Variants in STARD13 observed in about 807,000 individuals in gnomAD.
STARD13 encodes StAR related lipid transfer domain containing 13.
In STARD13, 62 loss-of-function variants were observed where a neutral mutation model predicts 106.4. That is an observed-to-expected ratio of 0.58 (90% CI 0.48 to 0.72). The LOEUF is 0.72. STARD13 is among the 30% of genes least tolerant of loss of function. STARD13 has a pLI of 0.00. For missense variants in STARD13, 1,387 were observed against 1,424.0 expected (o/e 0.97, Z 0.42); for synonymous variants, 565 against 553.0 (o/e 1.02, Z -0.31).
rs1010461704 is a variant in STARD13 at position 33,111,033 on chromosome 13, A to T, written c.2608-126T>A. On this transcript the variant is annotated intron_variant, in intron 10 of 13. Coordinates refer to ENST00000336934, the MANE Select transcript of STARD13 (RefSeq NM_178006.4). ...CGGGCCGAGGGCCACACGGCCAGAG[A>T]TGTTTTTCTAAGATCATTGCCAAGG... is the stretch of plus-strand genomic sequence containing the variant. 2.1e-5 allele frequency: 16 copies of T among 755,044 alleles called. No individual in the cohort carries two copies. In the East Asian group the frequency reaches 4.0e-4, roughly 19 times the overall value. The allele number at this position is 755,044 out of a possible 1,614,324, so 46.8% of individuals were successfully genotyped here.
intron 1 of STARD13, among the ~76,000 whole-genome samples, chr13:33,307,182 A>G (rs1313527073): frequency 6.6e-6 from 1 of 152,218 alleles, no homozygotes; most frequent in Admixed American, 6.5e-5. Flanking sequence ...TTGCAGAAAA[A>G]AAGAAATGCC....
At chr13:33,116,206 C>A (rs557532234) in intron 8 of STARD13, among the ~76,000 whole-genome samples, 1 of 152,240 alleles carries the variant, frequency 6.6e-6, no homozygotes, top group Non-Finnish European at 1.5e-5. Flanking sequence ...GATGAATACA[C>A]TGGGCTCTCC....
At chr13:33,643,022 G>A in the STARD13 span, among the ~76,000 whole-genome samples, 1 of 152,090 alleles carries the variant, frequency 6.6e-6, no homozygotes. Flanking sequence ...ATGGATCACT[G>A]CTTCCAGCTG....
At chr13:33,519,165 G>A in the STARD13 span, among the ~76,000 whole-genome samples, 1 of 151,664 alleles carries the variant, frequency 6.6e-6, no homozygotes, top group African/African-American at 2.4e-5. Flanking sequence ...GGTGGGTTTA[G>A]GCAGACTCCC....
chr13:33,343,914 T>C (rs1035219303), downstream of STARD13, among the ~76,000 whole-genome samples: 2 of 152,116 alleles, frequency 1.3e-5, no homozygotes, highest in Non-Finnish European at 2.9e-5. Context: ...TCTTACCACC[T>C]ATTTCATTAT....
At chr13:33,534,257 T>C in the STARD13 span, among the ~76,000 whole-genome samples, 202 of 152,332 alleles carry the variant, frequency 1.3e-3, 2 homozygotes, top group South Asian at 6.4e-3. Flanking sequence ...TTACAAATTA[T>C]ATTATTTTGA....
At chr13:33,533,561 TC>T in the STARD13 span, among the ~76,000 whole-genome samples, 1 of 151,592 alleles carries the variant, frequency 6.6e-6, no homozygotes, top group East Asian at 1.9e-4. Flanking sequence ...AAAACAAAGC[TC>T]TTTTTTTTTT....
At chr13:33,346,980 T>C (rs746167234), downstream of STARD13, among the ~76,000 whole-genome samples, 8 of 152,140 alleles carry the variant, frequency 5.3e-5, no homozygotes, top group Non-Finnish European at 8.8e-5. Context: ...CACTGTTCCA[T>C]TGACTAAGTA....
chr13:33,185,813 G>A (rs1487289843), intron 1 of STARD13: 3 of 1,546,096 alleles, frequency 1.9e-6, no homozygotes, highest in Non-Finnish European at 2.7e-6. Context: ...GCCATGCAAG[G>A]CTAAGTAACA....
chr13:33,434,952 G>A, the STARD13 span, among the ~76,000 whole-genome samples: 1 of 139,406 alleles, frequency 7.2e-6, no homozygotes. Flanking sequence ...GAAACTATAA[G>A]TTCTGACAAG....
chr13:33,292,600 CAA>C (rs139950581), intron 1 of STARD13, among the ~76,000 whole-genome samples: 1 of 137,894 alleles, frequency 7.3e-6, no homozygotes, highest in African/African-American at 2.7e-5. Flanking sequence ...GACCCCATTT[CAA>C]AAAAAAAAAA....
At chr13:33,293,081 A>G (rs1361176375) in intron 1 of STARD13, among the ~76,000 whole-genome samples, 1 of 152,164 alleles carries the variant, frequency 6.6e-6, no homozygotes, top group East Asian at 1.9e-4. Context: ...GCCTCCAAGT[A>G]TCAGCTTAAC....
chr13:33,627,707 G>T, the STARD13 span, among the ~76,000 whole-genome samples: 1 of 152,036 alleles, frequency 6.6e-6, no homozygotes, highest in South Asian at 2.1e-4. Flanking sequence ...CCTGGACATG[G>T]TCCAAAAGGT....
chr13:33,478,437 T>C, the STARD13 span, among the ~76,000 whole-genome samples: 2 of 152,228 alleles, frequency 1.3e-5, no homozygotes, highest in African/African-American at 2.4e-5. Flanking sequence ...TTTCACATTA[T>C]ATATTTTTTA....
intron 1 of STARD13, among the ~76,000 whole-genome samples, chr13:33,262,662 AAC>A (rs1555254805): frequency 2.3e-3 from 268 of 114,744 alleles, no homozygotes; most frequent in East Asian, 3.6e-3. Flanking sequence ...ACACACACAC[AAC>A]ACACACACAC....
intron 3 of STARD13, among the ~76,000 whole-genome samples, chr13:33,149,364 T>C (rs1322874163): frequency 6.6e-6 from 1 of 152,220 alleles, no homozygotes; most frequent in Non-Finnish European, 1.5e-5. Context: ...ACCTAAAAAT[T>C]CTCTAAGAAA....
intron 1 of STARD13, among the ~76,000 whole-genome samples, chr13:33,303,717 C>CCA (rs1892802720): frequency 6.6e-6 from 1 of 152,052 alleles, no homozygotes; most frequent in African/African-American, 2.4e-5. Context: ...GGAGATTATT[C>CCA]CTTCAAGCTG....
At chr13:33,612,611 G>A in the STARD13 span, among the ~76,000 whole-genome samples, 4 of 152,026 alleles carry the variant, frequency 2.6e-5, no homozygotes, top group African/African-American at 9.7e-5. Flanking sequence ...TTTTTCTCTT[G>A]TCTATTCCCC....
At chr13:33,512,392 A>C in the STARD13 span, among the ~76,000 whole-genome samples, 1 of 152,202 alleles carries the variant, frequency 6.6e-6, no homozygotes, top group African/African-American at 2.4e-5. Context: ...AGCTTTCAAG[A>C]TTAAGAGTCT....
Sources: gnomAD v4.1 joint callset for allele counts (sites outside exome capture counted in the v4.1 genomes callset) on GRCh38, gnomAD v4.1.1 for gene constraint, MANE v1.5 for transcripts, NCBI Gene and HGNC (gene_info 2026-07-23, HGNC 2026-07-21) for gene names.